MEIS2: variants seen among roughly 807,000 people sequenced by gnomAD.
MEIS2 encodes the protein Meis homeobox 2.
In MEIS2, 9 loss-of-function variants were observed where a neutral mutation model predicts 58.6. The observed-to-expected ratio is 0.15, with a 90% CI of 0.09 to 0.27. The LOEUF (loss-of-function observed/expected upper bound fraction) is 0.27. Among genes scored for constraint, MEIS2 ranks in the 10% least tolerant of loss-of-function variants. The pLI is 1.00. For missense variants in MEIS2, 427 were observed against 635.0 expected, an observed-to-expected ratio of 0.67 and a Z score of 3.52; for synonymous variants, 221 against 228.4, an observed-to-expected ratio of 0.97 and a Z score of 0.29.
chr15:36,959,334 G>A lies in MEIS2; in HGVS notation c.901-8934C>T, dbSNP rs968386313. Among the ~76,000 whole-genome samples, 19 of 151,950 alleles carry A rather than the reference G, an allele frequency of 1.3e-4. No homozygotes were observed. The South Asian group carries it at 2.1e-3, about 17-fold the overall frequency. Reference sequence around the variant, plus strand: ...TTTCTTTGCCACCCTATCTTTCCCCGTTTGCCACACTGCATTACAAATGCT... The same window carrying A: ...TTTCTTTGCCACCCTATCTTTCCCCATTTGCCACACTGCATTACAAATGCT... On this transcript the variant is annotated intron_variant, in intron 8 of 11. Coordinates refer to ENST00000561208, the MANE Select transcript of MEIS2 (RefSeq NM_170675.5).
At chr15:36,906,677 A>G (rs1391425760) in intron 9 of MEIS2, among the ~76,000 whole-genome samples, 3 of 149,654 alleles carry the variant, frequency 2.0e-5, no homozygotes, top group Admixed American at 6.7e-5. Flanking sequence ...AAAAACAAGG[A>G]CAAAAGAAGA....
At chr15:36,892,890 A>C (rs1194258665) in intron 11 of MEIS2, among the ~76,000 whole-genome samples, 1 of 152,244 alleles carries the variant, frequency 6.6e-6, no homozygotes, top group Non-Finnish European at 1.5e-5. Context: ...TATCATATCT[A>C]TATTTCCTCA....
At chr15:36,969,340 T>C (rs1217931943) in intron 8 of MEIS2, among the ~76,000 whole-genome samples, 1 of 152,200 alleles carries the variant, frequency 6.6e-6, no homozygotes, top group African/African-American at 2.4e-5. Flanking sequence ...ACATGACATT[T>C]GAGAATCTTC....
intron 10 of MEIS2, among the ~76,000 whole-genome samples, chr15:36,895,900 C>T (rs1335035609): frequency 1.3e-5 from 2 of 152,088 alleles, no homozygotes; most frequent in Non-Finnish European, 2.9e-5. Context: ...AGTTTAACAC[C>T]GTTGTTAGTG....
At chr15:37,017,942 G>C (rs1447169724) in intron 8 of MEIS2, among the ~76,000 whole-genome samples, 1 of 152,104 alleles carries the variant, frequency 6.6e-6, no homozygotes, top group African/African-American at 2.4e-5. Flanking sequence ...TCCCCTTAAA[G>C]GGCCAACATA....
At chr15:37,086,997 C>A (rs1048142026) in intron 6 of MEIS2, among the ~76,000 whole-genome samples, 1 of 152,152 alleles carries the variant, frequency 6.6e-6, no homozygotes, top group Non-Finnish European at 1.5e-5. Flanking sequence ...AAGTTTCCAT[C>A]CTTCAAGAAA....
chr15:37,092,977 CTT>C (rs1247766717), intron 6 of MEIS2, among the ~76,000 whole-genome samples: 1 of 151,992 alleles, frequency 6.6e-6, no homozygotes, highest in African/African-American at 2.4e-5. Context: ...AGGTTACTGT[CTT>C]TTATTATGAA....
At chr15:36,965,689 A>T (rs2059330294) in intron 8 of MEIS2, among the ~76,000 whole-genome samples, 1 of 152,194 alleles carries the variant, frequency 6.6e-6, no homozygotes, top group African/African-American at 2.4e-5. Flanking sequence ...AATTAGGAAA[A>T]TTTCATGGAG....
chr15:37,082,243 G>A (rs894786548), intron 7 of MEIS2, among the ~76,000 whole-genome samples: 2 of 152,180 alleles, frequency 1.3e-5, no homozygotes, highest in African/African-American at 4.8e-5. Context: ...CTGGGCTCCT[G>A]AGCAAAGCGA....
At chr15:37,008,222 G>C (rs1382602638) in intron 8 of MEIS2, among the ~76,000 whole-genome samples, 1 of 152,114 alleles carries the variant, frequency 6.6e-6, no homozygotes, top group African/African-American at 2.4e-5. Flanking sequence ...TTCGCTCTAG[G>C]ACAATGAACT....
intron 7 of MEIS2, among the ~76,000 whole-genome samples, chr15:37,066,805 C>T (rs1052677086): frequency 1.3e-5 from 2 of 152,098 alleles, no homozygotes; most frequent in African/African-American, 4.8e-5. Context: ...GAGATGTGGT[C>T]TCACTCTGTT....
chr15:37,035,358 C>CAGGG (rs1206929671), intron 8 of MEIS2, among the ~76,000 whole-genome samples: 4 of 152,164 alleles, frequency 2.6e-5, no homozygotes, highest in South Asian at 2.1e-4. Context: ...TGGCAAGGTT[C>CAGGG]AGGGCTTTGC....
At chr15:36,995,732 C>CAAAAAAAAAAAAAAAAAAAAA (rs2060460909) in intron 8 of MEIS2, among the ~76,000 whole-genome samples, 1 of 28,088 alleles carries the variant, frequency 3.6e-5, no homozygotes, top group Non-Finnish European at 6.6e-5. Flanking sequence ...AAAAAAAAAA[C>CAAAAAAAAAAAAAAAAAAAAA]AAAGAAAAGA....
chr15:36,970,761 C>T (rs1324456432), intron 8 of MEIS2, among the ~76,000 whole-genome samples: 1 of 152,058 alleles, frequency 6.6e-6, no homozygotes, highest in Non-Finnish European at 1.5e-5. Flanking sequence ...GTGTACACAT[C>T]GTAAACTAGA....
intron 7 of MEIS2, among the ~76,000 whole-genome samples, chr15:37,054,591 A>G (rs1459390503): frequency 6.6e-6 from 1 of 152,032 alleles, no homozygotes; most frequent in Non-Finnish European, 1.5e-5. Context: ...TGATTTTTAA[A>G]ATGTTTCTGT....
At chr15:36,925,476 T>C (rs558302602) in intron 9 of MEIS2, among the ~76,000 whole-genome samples, 2 of 150,400 alleles carry the variant, frequency 1.3e-5, no homozygotes, top group South Asian at 4.2e-4. Flanking sequence ...GGCTGCTTTG[T>C]TTGGATATTT....
At chr15:36,923,019 A>G in intron 9 of MEIS2, among the ~76,000 whole-genome samples, 1 of 152,316 alleles carries the variant, frequency 6.6e-6, no homozygotes, top group South Asian at 2.1e-4. Flanking sequence ...TTCTCTGGAA[A>G]CAAACAAAAA....
chr15:37,028,299 G>A (rs1367586416), intron 8 of MEIS2, among the ~76,000 whole-genome samples: 2 of 152,018 alleles, frequency 1.3e-5, no homozygotes, highest in Non-Finnish European at 2.9e-5. Context: ...CACTGTACTG[G>A]CAACTTTACC....
intron 8 of MEIS2, among the ~76,000 whole-genome samples, chr15:36,972,331 C>T (rs1411384248): frequency 6.6e-6 from 1 of 152,144 alleles, no homozygotes; most frequent in Non-Finnish European, 1.5e-5. Flanking sequence ...TTCTGTTCTC[C>T]AGAATGGAGC....
Sources: gnomAD v4.1 joint callset for allele counts (sites outside exome capture counted in the v4.1 genomes callset) on GRCh38, gnomAD v4.1.1 for gene constraint, MANE v1.5 for transcripts, NCBI Gene and HGNC (gene_info 2026-07-23, HGNC 2026-07-21) for gene names.